The following PLEKHA5 variants were observed in gnomAD, a reference collection of about 807,000 sequenced individuals.
PLEKHA5 encodes pleckstrin homology domain containing A5.
In PLEKHA5, 55 loss-of-function variants were observed where a neutral mutation model predicts 181.9. The observed-to-expected ratio is 0.30, with a 90% CI of 0.24 to 0.38. The LOEUF (loss-of-function observed/expected upper bound fraction) is 0.38. PLEKHA5 is among the 10% of genes least tolerant of loss of function. The pLI is 1.00. For synonymous variants in PLEKHA5, 535 were observed against 529.4 expected, an observed-to-expected ratio of 1.01 and a Z score of -0.15; for missense variants, 1,432 against 1,549.5, an observed-to-expected ratio of 0.92 and a Z score of 1.27.
chr12:19,138,068 A>G (rs1159167294), intron 3 of PLEKHA5, among the ~76,000 whole-genome samples: 1 of 152,166 alleles, frequency 6.6e-6, no homozygotes, highest in African/African-American at 2.4e-5. Context: ...CAAAAACACA[A>G]AAAGTATTGG....
intron 3 of PLEKHA5, chr12:19,236,899 A>G (rs1464011588): frequency 6.6e-6 from 1 of 152,124 alleles, no homozygotes; most frequent in Non-Finnish European, 1.5e-5. Flanking sequence ...ACCACAGTGT[A>G]TTTCCTCAGT....
At chr12:19,342,513 G>A (rs182201829) in intron 21 of PLEKHA5, among the ~76,000 whole-genome samples, 4 of 152,240 alleles carry the variant, frequency 2.6e-5, no homozygotes, top group South Asian at 2.1e-4. Context: ...AAAATTAGCC[G>A]GGTGTGGTGG....
At chr12:19,199,138 T>G (rs185200559) in intron 3 of PLEKHA5, among the ~76,000 whole-genome samples, 3 of 152,278 alleles carry the variant, frequency 2.0e-5, no homozygotes, top group Admixed American at 1.3e-4. Flanking sequence ...GTTTTAAAAT[T>G]TACAATTCTT....
chr12:19,337,714 C>A (rs1450295293), intron 21 of PLEKHA5, among the ~76,000 whole-genome samples: 1 of 151,908 alleles, frequency 6.6e-6, no homozygotes, highest in African/African-American at 2.4e-5. Flanking sequence ...ACAGACAGAT[C>A]AATACAATGA....
rs115575390 is a variant in PLEKHA5 at position 19,363,225 on chromosome 12, G to A, written c.3608+1519G>A. 7.0e-3 allele frequency among the ~76,000 whole-genome samples: 1,053 copies of A among 151,150 alleles called. 10 individuals carry two copies. The highest frequency in any genetic ancestry group is 0.023 in the African/African-American group (929 of 41,222). Reference sequence around the variant, plus strand: ...TCTTGGTCCACTGCACTCGGTTCCCGGAGGGAACCTCTGCCTCCTGGGTTC... The same window carrying A: ...TCTTGGTCCACTGCACTCGGTTCCCAGAGGGAACCTCTGCCTCCTGGGTTC... On this transcript the variant is annotated intron_variant, in intron 29 of 31. Coordinates refer to ENST00000429027, the MANE Select transcript of PLEKHA5 (RefSeq NM_001256470.2).
At chr12:19,346,869 T>C in intron 23 of PLEKHA5, 125 bp from the exon 24 acceptor site, 1 of 574,428 alleles carries the variant, frequency 1.7e-6, no homozygotes, top group Non-Finnish European at 2.8e-6. Flanking sequence ...TATTAGACTT[T>C]TGGCTTGGCA....
intron 11 of PLEKHA5, among the ~76,000 whole-genome samples, chr12:19,277,173 A>G (rs1171188612): frequency 6.6e-6 from 1 of 152,164 alleles, no homozygotes; most frequent in Non-Finnish European, 1.5e-5. Context: ...AAATGAAAGG[A>G]TGTTTGGAAG....
intron 5 of PLEKHA5, among the ~76,000 whole-genome samples, chr12:19,256,277 C>T (rs1315173145): frequency 6.6e-6 from 1 of 152,120 alleles, no homozygotes; most frequent in African/African-American, 2.4e-5. Flanking sequence ...ACACAGCACA[C>T]TAACAACAGT....
chr12:19,247,724 T>C (rs2064103355), intron 3 of PLEKHA5, among the ~76,000 whole-genome samples: 1 of 151,760 alleles, frequency 6.6e-6, no homozygotes, highest in Non-Finnish European at 1.5e-5. Context: ...TGTGTTGCTA[T>C]TTATCAATTC....
At chr12:19,133,479 A>C (rs1279883919) in intron 3 of PLEKHA5, among the ~76,000 whole-genome samples, 1 of 152,048 alleles carries the variant, frequency 6.6e-6, no homozygotes, top group Non-Finnish European at 1.5e-5. Context: ...AACTGGGTTA[A>C]GACTTCAGTA....
chr12:19,157,855 A>C (rs886457769), intron 3 of PLEKHA5, among the ~76,000 whole-genome samples: 3 of 152,190 alleles, frequency 2.0e-5, no homozygotes, highest in African/African-American at 7.2e-5. Flanking sequence ...ATAGGTCATC[A>C]GATTATTAAA....
chr12:19,257,745 TTGTG>T (rs1323129215), intron 6 of PLEKHA5, among the ~76,000 whole-genome samples: 1 of 152,076 alleles, frequency 6.6e-6, no homozygotes, highest in African/African-American at 2.4e-5. Context: ...ACAACTGAGA[TTGTG>T]TGTTTGTTAT....
chr12:19,157,474 T>G (rs80143733), intron 3 of PLEKHA5, among the ~76,000 whole-genome samples: 32 of 146,030 alleles, frequency 2.2e-4, no homozygotes, highest in Middle Eastern at 3.6e-3. Context: ...AATAAGTGGG[T>G]TTTTTTTTTT....
chr12:19,197,534 G>A (rs1044930535), intron 3 of PLEKHA5, among the ~76,000 whole-genome samples: 1 of 151,984 alleles, frequency 6.6e-6, no homozygotes, highest in African/African-American at 2.4e-5. Flanking sequence ...ACTTTCTAAT[G>A]TACTACATCG....
chr12:19,220,900 C>G (rs1459495949), intron 3 of PLEKHA5, among the ~76,000 whole-genome samples: 1 of 151,292 alleles, frequency 6.6e-6, no homozygotes, highest in Admixed American at 6.6e-5. Flanking sequence ...AATGAACATG[C>G]AAAAAAAATG....
At chr12:19,335,664 G>A (rs1281420641) in intron 20 of PLEKHA5, among the ~76,000 whole-genome samples, 1 of 142,120 alleles carries the variant, frequency 7.0e-6, no homozygotes. Context: ...TCCTGACCTC[G>A]TGATCTGCCT....
chr12:19,326,737 T>A (rs112722281), intron 20 of PLEKHA5, among the ~76,000 whole-genome samples: 1,829 of 152,282 alleles, frequency 0.012, 25 homozygotes, highest in African/African-American at 0.042. Context: ...CCACCCACAG[T>A]AGTCCCCAGT....
chr12:19,229,298 T>C (rs1055576872), intron 3 of PLEKHA5, among the ~76,000 whole-genome samples: 5 of 152,202 alleles, frequency 3.3e-5, no homozygotes, highest in African/African-American at 1.2e-4. Context: ...TTGGTGTCAC[T>C]GACTTCAAGA....
chr12:19,365,805 C>T (rs1382870360), intron 29 of PLEKHA5, among the ~76,000 whole-genome samples, 159 bp from the exon 30 acceptor site: 1 of 152,032 alleles, frequency 6.6e-6, no homozygotes, highest in Non-Finnish European at 1.5e-5. Context: ...ATTATTTGCT[C>T]TAATTCTTTT....
Sources: allele counts gnomAD v4.1 joint callset (sites outside exome capture counted in the v4.1 genomes callset), GRCh38; gene constraint gnomAD v4.1.1; transcripts MANE v1.5; gene names NCBI Gene and HGNC (gene_info 2026-07-23, HGNC 2026-07-21).